Variants in BANK1 observed in about 807,000 individuals in gnomAD.
The protein encoded by BANK1 is B cell scaffold protein with ankyrin repeats 1.
BANK1 carries 95 observed loss-of-function variants against 94.5 expected under a neutral mutation model. The observed-to-expected ratio is 1.00, with a 90% CI of 0.85 to 1.19. The LOEUF (loss-of-function observed/expected upper bound fraction) is 1.19, where lower values mean the gene tolerates loss of function less well. Ranked by LOEUF, BANK1 falls within the 50% of genes most tolerant of loss-of-function variation. The pLI is 0.00. For missense variants in BANK1, 987 were observed against 932.2 expected, an observed-to-expected ratio of 1.06 and a Z score of -0.77; for synonymous variants, 334 against 308.4, an observed-to-expected ratio of 1.08 and a Z score of -0.87.
intron 5 of BANK1, among the ~76,000 whole-genome samples, chr4:101,887,847 T>C (rs1168531616): frequency 6.6e-6 from 1 of 152,198 alleles, no homozygotes; most frequent in Admixed American, 6.5e-5. Context: ...AAAGAAAATA[T>C]CTCTTTTAGA....
rs560375957 is a variant in BANK1 at position 102,047,448 on chromosome 4, A to G, written c.1969+3541A>G. On this transcript the variant is annotated intron_variant, in intron 11 of 16. Transcript: ENST00000322953. ...AAGATAGATCTTTTTTAAGTCTACT[A>G]TTATCCTCCCACTGTGCCTTTAGCT... Among the ~76,000 whole-genome samples, 3 of 152,182 alleles carry G rather than the reference A, an allele frequency of 2.0e-5. No individual in the cohort carries two copies. In the South Asian group the frequency reaches 6.2e-4, roughly 32 times the overall value.
intron 1 of BANK1, among the ~76,000 whole-genome samples, chr4:101,817,395 G>T (rs1725958166): frequency 6.6e-6 from 1 of 152,176 alleles, no homozygotes. Context: ...GGATGGTGCT[G>T]AAGGCCATCA....
chr4:101,870,771 G>C, intron 5 of BANK1, 127 bp downstream of exon 5: 2 of 1,140,516 alleles, frequency 1.8e-6, no homozygotes, highest in South Asian at 3.9e-5. Flanking sequence ...CCAATCAATA[G>C]GAAGGGAAGA....
At chr4:101,939,186 T>G (rs959764491) in intron 7 of BANK1, among the ~76,000 whole-genome samples, 1 of 151,702 alleles carries the variant, frequency 6.6e-6, no homozygotes, top group African/African-American at 2.4e-5. Flanking sequence ...CCTTTTAAAT[T>G]AGATGTTTTA....
intron 6 of BANK1, among the ~76,000 whole-genome samples, chr4:101,905,812 G>C (rs1319772018): frequency 7.9e-5 from 12 of 152,186 alleles, no homozygotes; most frequent in Non-Finnish European, 1.5e-5. Context: ...CATAACTGCA[G>C]CACTATATCC....
intron 7 of BANK1, among the ~76,000 whole-genome samples, chr4:102,012,388 T>C (rs1001497080): frequency 1.5e-4 from 5 of 33,500 alleles, no homozygotes; most frequent in Non-Finnish European, 2.9e-4. Flanking sequence ...GTAAACACTT[T>C]GGTCAATAAA....
At chr4:101,838,716 T>C (rs1298596772) in intron 2 of BANK1, among the ~76,000 whole-genome samples, 4 of 152,216 alleles carry the variant, frequency 2.6e-5, no homozygotes, top group Non-Finnish European at 5.9e-5. Context: ...TCTACCCTTA[T>C]GTGATGATTG....
At chr4:101,811,514 AATATTG>A (rs1443609166) in intron 1 of BANK1, among the ~76,000 whole-genome samples, 1 of 152,126 alleles carries the variant, frequency 6.6e-6, no homozygotes, top group Non-Finnish European at 1.5e-5. Context: ...TCCACTCAGA[AATATTG>A]ATAATATTTG....
At chr4:101,831,021 T>C (rs1038977027) in intron 2 of BANK1, among the ~76,000 whole-genome samples, 3 of 152,206 alleles carry the variant, frequency 2.0e-5, no homozygotes, top group Non-Finnish European at 4.4e-5. Flanking sequence ...TTCTCTAAGA[T>C]CATAGCTGTG....
chr4:101,939,673 A>G (rs1162751780), intron 7 of BANK1, among the ~76,000 whole-genome samples: 2 of 151,734 alleles, frequency 1.3e-5, no homozygotes, highest in Non-Finnish European at 2.9e-5. Context: ...CTTAGCTACA[A>G]GGAATGAGAA....
intron 8 of BANK1, 134 bp from the exon 9 acceptor site, chr4:102,025,066 AT>A (rs1436241756): frequency 6.3e-6 from 6 of 946,158 alleles, no homozygotes; most frequent in African/African-American, 4.9e-5. Context: ...AAAGTTACAC[AT>A]TTGACAGCTT....
chr4:101,917,432 G>C (rs918666670), intron 6 of BANK1, among the ~76,000 whole-genome samples: 1 of 151,830 alleles, frequency 6.6e-6, no homozygotes, highest in African/African-American at 2.4e-5. Flanking sequence ...TAAAAAAGTT[G>C]TAAAATCCAG....
intron 7 of BANK1, among the ~76,000 whole-genome samples, chr4:102,006,975 A>G (rs994986041): frequency 7.0e-6 from 1 of 143,704 alleles, no homozygotes; most frequent in African/African-American, 2.6e-5. Context: ...TTTTTAAAGT[A>G]AAAAAAAAGA....
chr4:101,991,771 CA>C (rs1207077060), intron 7 of BANK1, among the ~76,000 whole-genome samples: 4 of 152,150 alleles, frequency 2.6e-5, no homozygotes, highest in African/African-American at 9.7e-5. Context: ...CAAAGATGAA[CA>C]GAAACTATGG....
intron 7 of BANK1, among the ~76,000 whole-genome samples, chr4:101,964,590 A>G (rs572797190): frequency 2.0e-5 from 3 of 152,200 alleles, no homozygotes; most frequent in African/African-American, 7.2e-5. Context: ...TATGAAACTT[A>G]CAAAATCCAT....
At chr4:101,940,485 A>G (rs957321265) in intron 7 of BANK1, among the ~76,000 whole-genome samples, 1 of 151,592 alleles carries the variant, frequency 6.6e-6, no homozygotes, top group African/African-American at 2.4e-5. Context: ...GTTTTCTGTC[A>G]TTTTTACCTA....
chr4:101,958,464 C>CTTTTTT (rs35066662), intron 7 of BANK1, among the ~76,000 whole-genome samples: 2 of 110,732 alleles, frequency 1.8e-5, no homozygotes, highest in African/African-American at 3.4e-5. Context: ...GCCCCCCATG[C>CTTTTTT]TTTTTTTTTT....
chr4:101,910,919 C>G (rs1268585993), intron 6 of BANK1, among the ~76,000 whole-genome samples: 1 of 151,960 alleles, frequency 6.6e-6, no homozygotes, highest in African/African-American at 2.4e-5. Flanking sequence ...GGCACAGAAG[C>G]CAAGGAACAA....
At chr4:101,996,262 C>A (rs2850379) in intron 7 of BANK1, among the ~76,000 whole-genome samples, 54,925 of 151,830 alleles carry the variant, frequency 0.36, 10,655 homozygotes, top group Non-Finnish European at 0.43. Flanking sequence ...ATTTCTGAGG[C>A]CTCTGTTCTG....
Sources: gnomAD v4.1 joint callset for allele counts (sites outside exome capture counted in the v4.1 genomes callset) on GRCh38, gnomAD v4.1.1 for gene constraint, MANE v1.5 for transcripts, NCBI Gene and HGNC (gene_info 2026-07-23, HGNC 2026-07-21) for gene names.